The following PDZD2 variants were observed in gnomAD, a reference collection of about 807,000 sequenced individuals.
The protein encoded by PDZD2 is PDZ domain-containing protein 2.
A neutral mutation model predicts 220.7 loss-of-function variants in PDZD2; 90 were observed. That is an observed-to-expected ratio of 0.41 (90% CI 0.34 to 0.49). The LOEUF (loss-of-function observed/expected upper bound fraction) is 0.49. PDZD2 is among the 20% of genes least tolerant of loss of function. The pLI, the probability that PDZD2 is intolerant of heterozygous loss-of-function variation, is 0.28. For missense variants in PDZD2, 3,174 were observed against 3,608.5 expected (o/e 0.88, Z 3.08); for synonymous variants, 1,375 against 1,450.5 (o/e 0.95, Z 1.18).
intron 24 of PDZD2, among the ~76,000 whole-genome samples, chr5:32,101,589 C>G (rs1242479068): frequency 1.3e-5 from 2 of 152,222 alleles, no homozygotes; most frequent in Non-Finnish European, 2.9e-5. Context: ...GCCCCTCTCT[C>G]TGATGTGAAC....
intron 1 of PDZD2, among the ~76,000 whole-genome samples, chr5:31,664,321 C>T (rs183119434): frequency 1.2e-4 from 18 of 152,190 alleles, no homozygotes; most frequent in Non-Finnish European, 1.9e-4. Flanking sequence ...CAAGTTTTAA[C>T]GGCTTAACAT....
At chr5:31,809,222 T>G (rs1480292923) in intron 2 of PDZD2, among the ~76,000 whole-genome samples, 4 of 152,186 alleles carry the variant, frequency 2.6e-5, no homozygotes, top group South Asian at 2.1e-4. Context: ...TCTGACAAGC[T>G]GTGAGGATCT....
intron 1 of PDZD2, among the ~76,000 whole-genome samples, chr5:31,689,677 G>C (rs1429718500): frequency 1.3e-5 from 2 of 151,960 alleles, no homozygotes; most frequent in Non-Finnish European, 2.9e-5. Context: ...GTCCTGGGTG[G>C]AGCTAACCCT....
intron 1 of PDZD2, among the ~76,000 whole-genome samples, chr5:31,755,355 G>C (rs1414526005): frequency 6.6e-6 from 1 of 152,212 alleles, no homozygotes; most frequent in Non-Finnish European, 1.5e-5. Flanking sequence ...AGGTTTCTTT[G>C]GGCTTGGAAG....
intron 1 of PDZD2, among the ~76,000 whole-genome samples, chr5:31,706,133 A>G (rs1215115963): frequency 6.6e-6 from 1 of 152,182 alleles, no homozygotes; most frequent in Admixed American, 6.5e-5. Flanking sequence ...ATCCCACACA[A>G]CTGGATTAAC....
intron 1 of PDZD2, among the ~76,000 whole-genome samples, chr5:31,767,571 T>C (rs1378018859): frequency 6.6e-6 from 1 of 152,256 alleles, no homozygotes; most frequent in Non-Finnish European, 1.5e-5. Flanking sequence ...TCATATCTTG[T>C]AGTCATTTCT....
intron 19 of PDZD2, among the ~76,000 whole-genome samples, chr5:32,079,475 G>GA (rs943121347): frequency 6.6e-6 from 1 of 151,390 alleles, no homozygotes; most frequent in African/African-American, 2.4e-5. Context: ...GTGGTAGACA[G>GA]AAAAAAGATA....
chr5:31,965,421 A>G (rs1029581448), intron 2 of PDZD2, among the ~76,000 whole-genome samples: 1 of 151,454 alleles, frequency 6.6e-6, no homozygotes, highest in Non-Finnish European at 1.5e-5. Context: ...GGGCACCATG[A>G]TGTTCTACAC....
At chr5:31,826,711 C>T (rs185445821) in intron 2 of PDZD2, among the ~76,000 whole-genome samples, 1 of 151,710 alleles carries the variant, frequency 6.6e-6, no homozygotes, top group Non-Finnish European at 1.5e-5. Flanking sequence ...CCTGTTTATT[C>T]GATATTATCA....
chr5:31,989,776 T>A (rs1209572731), intron 3 of PDZD2, among the ~76,000 whole-genome samples: 1 of 152,182 alleles, frequency 6.6e-6, no homozygotes, highest in African/African-American at 2.4e-5. Context: ...ACACTTAGGT[T>A]GATTCTGTAT....
chr5:31,968,666 C>A (rs60535570), intron 2 of PDZD2, among the ~76,000 whole-genome samples: 174 of 149,250 alleles, frequency 1.2e-3, no homozygotes, highest in African/African-American at 4.2e-3. Context: ...AAAAAACAAA[C>A]AAACAAACAA....
chr5:32,057,521 G>A (rs571834991), intron 10 of PDZD2, 134 bp from the exon 11 acceptor site: 2 of 632,156 alleles, frequency 3.2e-6, no homozygotes, highest in East Asian at 2.6e-5. Context: ...TGGGAGCTAA[G>A]CTAAACAATA....
chr5:31,997,840 G>A (rs1751760975), intron 4 of PDZD2, among the ~76,000 whole-genome samples: 2 of 152,064 alleles, frequency 1.3e-5, no homozygotes, highest in South Asian at 2.1e-4. Context: ...AGGGAGTGGG[G>A]ATGGTCTTTT....
intron 2 of PDZD2, among the ~76,000 whole-genome samples, chr5:31,878,629 G>C (rs1217678516): frequency 7.5e-6 from 1 of 132,746 alleles, no homozygotes; most frequent in Non-Finnish European, 1.5e-5. Flanking sequence ...GCGCGATCTC[G>C]GCTCACTGCA....
intron 21 of PDZD2, among the ~76,000 whole-genome samples, chr5:32,096,811 A>T (rs1162236852): frequency 6.7e-6 from 1 of 149,218 alleles, no homozygotes; most frequent in Non-Finnish European, 1.5e-5. Context: ...TCCCATCATG[A>T]TCAAATTATG....
chr5:31,919,324 C>A (rs535067023), intron 2 of PDZD2, among the ~76,000 whole-genome samples: 2 of 151,696 alleles, frequency 1.3e-5, no homozygotes, highest in African/African-American at 4.8e-5. Context: ...TAAGTTTAGC[C>A]CCATAGTTGT....
intron 2 of PDZD2, among the ~76,000 whole-genome samples, chr5:31,863,886 A>C (rs944006487): frequency 3.3e-5 from 5 of 152,246 alleles, no homozygotes; most frequent in Non-Finnish European, 5.9e-5. Flanking sequence ...TTTTTAAAAA[A>C]AGTCATAAGA....
chr5:31,883,003 C>G (rs550325262), intron 2 of PDZD2, among the ~76,000 whole-genome samples: 2 of 118,934 alleles, frequency 1.7e-5, no homozygotes, highest in East Asian at 5.5e-4. Flanking sequence ...GCATTCCATC[C>G]TGGGTGACAG....
intron 2 of PDZD2, among the ~76,000 whole-genome samples, chr5:31,850,030 AT>A (rs1276388829): frequency 7.9e-5 from 6 of 76,202 alleles, no homozygotes; most frequent in Admixed American, 1.2e-4. Flanking sequence ...ATATACTCAT[AT>A]ATACACGTAT....
Sources: gnomAD v4.1 joint callset for allele counts (sites outside exome capture counted in the v4.1 genomes callset) on GRCh38, gnomAD v4.1.1 for gene constraint, MANE v1.5 for transcripts, NCBI Gene and HGNC (gene_info 2026-07-23, HGNC 2026-07-21) for gene names.